GALNT13: variants seen among roughly 807,000 people sequenced by gnomAD.
GALNT13 encodes UDP-GalNAc:polypeptide N-acetylgalactosaminyltransferase 13.
A neutral mutation model predicts 64.2 loss-of-function variants in GALNT13; 28 were observed. The ratio of observed to expected loss-of-function variants is 0.44; its 90% CI spans 0.32 to 0.60. The LOEUF (loss-of-function observed/expected upper bound fraction) is 0.60. Ranked by LOEUF, GALNT13 falls within the 20% of genes least tolerant of loss-of-function variation. GALNT13 has a pLI of 0.05. For synonymous variants in GALNT13, 214 were observed against 224.6 expected (o/e 0.95, Z 0.42); for missense variants, 577 against 669.8 (o/e 0.86, Z 1.53).
upstream of GALNT13, among the ~76,000 whole-genome samples, chr2:153,868,813 A>G (rs1193779023): frequency 2.0e-5 from 3 of 152,226 alleles, no homozygotes; most frequent in Admixed American, 1.3e-4. Context: ...TGGTCTTACC[A>G]TTTATCTAAG....
the GALNT13 span, among the ~76,000 whole-genome samples, chr2:153,742,276 G>T: frequency 1.3e-5 from 2 of 151,630 alleles, 1 homozygote. Flanking sequence ...ATGTCCTCCA[G>T]GTTTATCCAT....
At chr2:153,183,184 A>G in the GALNT13 span, among the ~76,000 whole-genome samples, 1 of 152,130 alleles carries the variant, frequency 6.6e-6, no homozygotes, top group African/African-American at 2.4e-5. Context: ...CTGGCATGAG[A>G]TGGTATCTCA....
the GALNT13 span, among the ~76,000 whole-genome samples, chr2:153,280,369 T>C: frequency 6.6e-6 from 1 of 152,148 alleles, no homozygotes; most frequent in Non-Finnish European, 1.5e-5. Context: ...ATTCATTTAG[T>C]TCTGGTCTGG....
the GALNT13 span, among the ~76,000 whole-genome samples, chr2:153,532,707 A>C: frequency 6.6e-6 from 1 of 152,178 alleles, no homozygotes; most frequent in Non-Finnish European, 1.5e-5. Flanking sequence ...CTGTTAAAAA[A>C]CACCCAGGCC....
chr2:153,510,130 T>C, the GALNT13 span, among the ~76,000 whole-genome samples: 2 of 152,180 alleles, frequency 1.3e-5, no homozygotes, highest in Non-Finnish European at 2.9e-5. Context: ...TAAGCATGAC[T>C]CAAAGAATGC....
chr2:153,874,476 G>A (rs10221716), intron 1 of GALNT13, among the ~76,000 whole-genome samples: 40,906 of 151,722 alleles, frequency 0.27, 6,064 homozygotes, highest in Middle Eastern at 0.41. Context: ...TTTTCTAAAG[G>A]AATTATAGGG....
At chr2:153,665,365 A>G in the GALNT13 span, among the ~76,000 whole-genome samples, 1 of 152,346 alleles carries the variant, frequency 6.6e-6, no homozygotes, top group African/African-American at 2.4e-5. Context: ...AAGAGAAAGT[A>G]GAATGGGTAA....
At chr2:154,277,336 G>A (rs987227798) in intron 8 of GALNT13, among the ~76,000 whole-genome samples, 3 of 151,968 alleles carry the variant, frequency 2.0e-5, no homozygotes, top group Non-Finnish European at 4.4e-5. Flanking sequence ...AACCTCGCTC[G>A]TCAAAATTAA....
the GALNT13 span, among the ~76,000 whole-genome samples, chr2:153,634,297 A>G: frequency 6.6e-6 from 1 of 152,178 alleles, no homozygotes; most frequent in African/African-American, 2.4e-5. Context: ...TTATATTCAG[A>G]AGAGCACTTT....
chr2:153,600,893 T>C, the GALNT13 span, among the ~76,000 whole-genome samples: 276 of 152,096 alleles, frequency 1.8e-3, 3 homozygotes, highest in African/African-American at 6.5e-3. Flanking sequence ...ATGGTTTGAA[T>C]GATGTGAAAT....
At chr2:153,811,973 G>A in the GALNT13 span, among the ~76,000 whole-genome samples, 36 of 152,148 alleles carry the variant, frequency 2.4e-4, no homozygotes, top group Admixed American at 2.4e-3. Flanking sequence ...TACTGATGCA[G>A]TTTAAGAATT....
the GALNT13 span, among the ~76,000 whole-genome samples, chr2:153,673,115 A>T: frequency 7.2e-5 from 11 of 152,332 alleles, no homozygotes; most frequent in East Asian, 2.1e-3. Context: ...TCACAGCCAA[A>T]TTCTACCAGA....
chr2:154,320,742 A>C (rs1048425354), intron 9 of GALNT13, among the ~76,000 whole-genome samples: 2 of 152,152 alleles, frequency 1.3e-5, no homozygotes, highest in African/African-American at 4.8e-5. Flanking sequence ...TGGACCAGAA[A>C]GGCTGAAGAA....
intron 3 of GALNT13, among the ~76,000 whole-genome samples, chr2:154,080,751 C>T (rs1701231969): frequency 6.6e-6 from 1 of 151,620 alleles, no homozygotes; most frequent in African/African-American, 2.4e-5. Context: ...ATTATCAATG[C>T]ACAATTATGT....
the GALNT13 span, among the ~76,000 whole-genome samples, chr2:153,839,570 T>G: frequency 6.6e-6 from 1 of 152,008 alleles, no homozygotes; most frequent in East Asian, 1.9e-4. Context: ...GAAATGTTAA[T>G]ATTATATATT....
chr2:154,419,342 C>G (rs192604783), intron 11 of GALNT13, among the ~76,000 whole-genome samples: 44 of 152,164 alleles, frequency 2.9e-4, no homozygotes, highest in African/African-American at 9.9e-4. Flanking sequence ...AAGAGTTACT[C>G]AAAGATTGTA....
chr2:154,050,323 G>A (rs1374901538), intron 3 of GALNT13, among the ~76,000 whole-genome samples: 12 of 152,278 alleles, frequency 7.9e-5, no homozygotes, highest in Admixed American at 4.6e-4. Flanking sequence ...AGTAAGTGAA[G>A]CAATAAAGTG....
the GALNT13 span, among the ~76,000 whole-genome samples, chr2:153,342,454 A>G: frequency 6.6e-6 from 1 of 152,246 alleles, no homozygotes; most frequent in South Asian, 2.1e-4. Flanking sequence ...GTGGTGTTCA[A>G]TATGTTGGGA....
chr2:153,540,060 G>A, the GALNT13 span, among the ~76,000 whole-genome samples: 1 of 152,214 alleles, frequency 6.6e-6, no homozygotes, highest in African/African-American at 2.4e-5. Flanking sequence ...ATGTCTCCAG[G>A]ATATGTCAGG....
Sources: gnomAD v4.1 joint callset for allele counts (sites outside exome capture counted in the v4.1 genomes callset) on GRCh38, gnomAD v4.1.1 for gene constraint, MANE v1.5 for transcripts, NCBI Gene and HGNC (gene_info 2026-07-23, HGNC 2026-07-21) for gene names.